The following LDB2 variants were observed in gnomAD, a reference collection of about 807,000 sequenced individuals.
LDB2 encodes the protein LIM domain-binding protein 2.
Under a neutral mutation model 44.3 loss-of-function variants are expected in LDB2, and 12 were observed. The observed-to-expected ratio is 0.27, with a 90% CI of 0.17 to 0.44. The LOEUF (loss-of-function observed/expected upper bound fraction) is 0.44, where lower values mean the gene tolerates loss of function less well. Among genes scored for constraint, LDB2 ranks in the 20% least tolerant of loss-of-function variants. The pLI, the probability that LDB2 is intolerant of heterozygous loss-of-function variation, is 1.00. For synonymous variants in LDB2, 164 were observed against 174.8 expected (o/e 0.94, Z 0.49); for missense variants, 344 against 473.5 (o/e 0.73, Z 2.54).
chr4:16,581,043 G>T (rs926690334), intron 5 of LDB2, among the ~76,000 whole-genome samples: 8 of 152,184 alleles, frequency 5.3e-5, no homozygotes, highest in African/African-American at 1.9e-4. Flanking sequence ...TCATTTTGAT[G>T]AAATGAAAGC....
intron 2 of LDB2, among the ~76,000 whole-genome samples, chr4:16,699,107 G>A (rs1010850804): frequency 7.2e-5 from 11 of 152,292 alleles, no homozygotes; most frequent in Admixed American, 2.0e-4. Flanking sequence ...TGTGGTTTAA[G>A]CAGAGAGCAA....
intron 5 of LDB2, among the ~76,000 whole-genome samples, chr4:16,577,124 A>G (rs1711974010): frequency 6.6e-6 from 1 of 152,210 alleles, no homozygotes; most frequent in Non-Finnish European, 1.5e-5. Context: ...AGCTGGTATC[A>G]TACTGAATGG....
At chr4:16,530,858 C>G (rs1009551699) in intron 5 of LDB2, among the ~76,000 whole-genome samples, 25 of 152,300 alleles carry the variant, frequency 1.6e-4, no homozygotes, top group African/African-American at 5.1e-4. Context: ...AGCATCATAG[C>G]TCTACGACTT....
At chr4:16,781,806 T>C (rs1034905581) in intron 1 of LDB2, among the ~76,000 whole-genome samples, 2 of 152,208 alleles carry the variant, frequency 1.3e-5, no homozygotes, top group Admixed American at 1.3e-4. Flanking sequence ...GGGTGGTTCC[T>C]AATTCAATGA....
chr4:16,640,222 G>A (rs907110117), intron 2 of LDB2, among the ~76,000 whole-genome samples: 2 of 152,138 alleles, frequency 1.3e-5, no homozygotes, highest in African/African-American at 4.8e-5. Context: ...TACCTTGTGG[G>A]TGTACAAAAA....
rs569320879 is a variant in LDB2 at position 16,611,758 on chromosome 4, A to T, written c.236-15883T>A. Among the ~76,000 whole-genome samples, 19 of 152,248 alleles carry T rather than the reference A, an allele frequency of 1.2e-4. No homozygotes were observed. In the South Asian group the frequency reaches 3.9e-3, roughly 32 times the overall value. ...AATGAGACTTAGGCTCCCACACAAT[A>T]ATAGTGGGAGACTTTAACACCCCAC... is the stretch of plus-strand genomic sequence containing the variant. On this transcript the variant is annotated intron_variant, in intron 2 of 7. Coordinates refer to ENST00000304523, the MANE Select transcript of LDB2 (RefSeq NM_001290.5).
At chr4:16,627,663 T>C (rs1403431538) in intron 2 of LDB2, among the ~76,000 whole-genome samples, 1 of 152,208 alleles carries the variant, frequency 6.6e-6, no homozygotes, top group Non-Finnish European at 1.5e-5. Flanking sequence ...GTAGGCAGCC[T>C]CCAAGATGGC....
intron 7 of LDB2, chr4:16,506,051 C>G: frequency 6.7e-7 from 1 of 1,501,546 alleles, no homozygotes; most frequent in Non-Finnish European, 9.0e-7. Flanking sequence ...CACATCGCTG[C>G]CGCAGCAGCT....
At position 16,855,119 on chromosome 4, in the gene LDB2, G is replaced by A. The variant is rs1037203937; in HGVS notation, c.132+43235C>T. On this transcript the variant is annotated intron_variant, in intron 1 of 7. Transcript: ENST00000304523. ...AAGTAACTGTTCTCAAGTACTCTCC[G>A]AGATCATTTCCAGGGATACGCATGA... 4.6e-5 allele frequency among the ~76,000 whole-genome samples: 7 copies of A among 152,126 alleles called. No homozygotes were observed. In the South Asian group the frequency reaches 6.2e-4, roughly 14 times the overall value.
intron 2 of LDB2, among the ~76,000 whole-genome samples, chr4:16,717,447 G>T (rs1305629805): frequency 6.6e-6 from 1 of 152,006 alleles, no homozygotes; most frequent in Non-Finnish European, 1.5e-5. Flanking sequence ...AAAGTCGTGG[G>T]TAATGAAAAT....
chr4:16,735,080 C>T (rs751183787), intron 2 of LDB2, among the ~76,000 whole-genome samples: 2 of 152,148 alleles, frequency 1.3e-5, no homozygotes, highest in Non-Finnish European at 2.9e-5. Flanking sequence ...AGAAAACAGT[C>T]ATCATTCCTC....
intron 1 of LDB2, among the ~76,000 whole-genome samples, chr4:16,848,185 C>T (rs1376583198): frequency 2.0e-5 from 3 of 151,738 alleles, no homozygotes; most frequent in African/African-American, 4.8e-5. Context: ...TTTTAAAAAG[C>T]AAAAAAGAAC....
At chr4:16,600,826 A>C (rs1201604987) in intron 2 of LDB2, among the ~76,000 whole-genome samples, 2 of 152,186 alleles carry the variant, frequency 1.3e-5, no homozygotes, top group Non-Finnish European at 2.9e-5. Flanking sequence ...TATCTACAGG[A>C]TATTCATTGA....
chr4:16,766,593 C>A (rs1381998731), intron 1 of LDB2, among the ~76,000 whole-genome samples: 2 of 151,248 alleles, frequency 1.3e-5, no homozygotes, highest in Non-Finnish European at 1.5e-5. Context: ...GCAACCTCCA[C>A]CTCCTGTGTT....
intron 2 of LDB2, among the ~76,000 whole-genome samples, chr4:16,685,050 G>A (rs1748881211): frequency 6.6e-6 from 1 of 152,162 alleles, no homozygotes; most frequent in East Asian, 1.9e-4. Flanking sequence ...AACCCAAAAT[G>A]GAAAATCTTG....
At chr4:16,553,152 T>G (rs1445812844) in intron 5 of LDB2, among the ~76,000 whole-genome samples, 1 of 152,036 alleles carries the variant, frequency 6.6e-6, no homozygotes, top group East Asian at 1.9e-4. Context: ...GAAACAGGAT[T>G]TTATTATTAT....
intron 2 of LDB2, among the ~76,000 whole-genome samples, chr4:16,645,635 A>G (rs1371018264): frequency 1.3e-5 from 2 of 152,192 alleles, no homozygotes; most frequent in Non-Finnish European, 2.9e-5. Flanking sequence ...CACTCAAAGA[A>G]AACCCGAGAG....
chr4:16,855,370 T>C lies in LDB2; in HGVS notation c.132+42984A>G, dbSNP rs75692133. On this transcript the variant is annotated intron_variant, in intron 1 of 7. Transcript: ENST00000304523. Reference sequence around the variant, plus strand: ...ATGAAGAAGTACAAATTATAAATTATATCTCTACCATCGAGTACGTGAGTT... The same window carrying C: ...ATGAAGAAGTACAAATTATAAATTACATCTCTACCATCGAGTACGTGAGTT... 7.9e-3 allele frequency among the ~76,000 whole-genome samples: 1,207 copies of C among 152,264 alleles called. 15 individuals are homozygous for C. The highest frequency in any genetic ancestry group is 0.027 in the African/African-American group (1,143 of 41,574).
At chr4:16,880,142 A>G (rs1719628676) in intron 1 of LDB2, among the ~76,000 whole-genome samples, 1 of 151,384 alleles carries the variant, frequency 6.6e-6, no homozygotes. Flanking sequence ...CATGGCCTAA[A>G]CATTCTTCTT....
Sources: gnomAD v4.1 joint callset for allele counts (sites outside exome capture counted in the v4.1 genomes callset) on GRCh38, gnomAD v4.1.1 for gene constraint, MANE v1.5 for transcripts, NCBI Gene and HGNC (gene_info 2026-07-23, HGNC 2026-07-21) for gene names.